The following SKAP2 variants were observed in gnomAD, a reference collection of about 807,000 sequenced individuals.
SKAP2 encodes src kinase-associated phosphoprotein 2.
SKAP2 carries 28 observed loss-of-function variants against 54.9 expected under a neutral mutation model. That is an observed-to-expected ratio of 0.51 (90% CI 0.38 to 0.70). The LOEUF (loss-of-function observed/expected upper bound fraction) is 0.70. SKAP2 is among the 30% of genes least tolerant of loss of function. The pLI is 0.00. For missense variants in SKAP2, 356 were observed against 424.1 expected, an observed-to-expected ratio of 0.84 and a Z score of 1.41; for synonymous variants, 137 against 134.3, an observed-to-expected ratio of 1.02 and a Z score of -0.14.
intron 9 of SKAP2, among the ~76,000 whole-genome samples, chr7:26,699,297 C>T (rs1039720379): frequency 1.7e-4 from 26 of 152,130 alleles, no homozygotes; most frequent in Admixed American, 1.3e-4. Flanking sequence ...GTTAACTGTA[C>T]TTAAACAATA....
chr7:26,702,063 A>G (rs770907771), intron 9 of SKAP2, among the ~76,000 whole-genome samples: 4 of 152,186 alleles, frequency 2.6e-5, no homozygotes, highest in Non-Finnish European at 5.9e-5. Flanking sequence ...CACAATTAAA[A>G]GTGGACACCG....
intron 9 of SKAP2, among the ~76,000 whole-genome samples, chr7:26,713,577 T>C (rs932547172): frequency 6.6e-6 from 1 of 151,932 alleles, no homozygotes; most frequent in African/African-American, 2.4e-5. Context: ...AATACAGTGC[T>C]AAGATGCTTA....
At chr7:26,680,734 C>T (rs891878770) in intron 11 of SKAP2, among the ~76,000 whole-genome samples, 3 of 152,082 alleles carry the variant, frequency 2.0e-5, no homozygotes, top group East Asian at 1.9e-4. Context: ...TTAAGGCAGG[C>T]GGTGTTTAGA....
chr7:26,742,002 A>G (rs918223968), intron 4 of SKAP2, among the ~76,000 whole-genome samples: 1 of 152,230 alleles, frequency 6.6e-6, no homozygotes, highest in African/African-American at 2.4e-5. Flanking sequence ...TTTGAAATGT[A>G]TATGAAATTT....
intron 6 of SKAP2, among the ~76,000 whole-genome samples, chr7:26,734,401 G>A (rs952201916): frequency 3.9e-5 from 6 of 151,956 alleles, no homozygotes; most frequent in African/African-American, 7.2e-5. Context: ...TTAGCCTTAC[G>A]TGCTCCCTCC....
chr7:26,735,890 A>T (rs1787920874), intron 6 of SKAP2, among the ~76,000 whole-genome samples: 2 of 152,176 alleles, frequency 1.3e-5, no homozygotes, highest in South Asian at 4.1e-4. Context: ...GAGTCCCTTA[A>T]AAGAGAGGAA....
chr7:26,794,792 C>G (rs904835694), intron 4 of SKAP2, among the ~76,000 whole-genome samples: 1 of 151,920 alleles, frequency 6.6e-6, no homozygotes, highest in Non-Finnish European at 1.5e-5. Context: ...ATATCTTGTA[C>G]AGCCCGCAGC....
At chr7:26,683,548 G>GGAAGGAAGGAAA (rs1786558537) in intron 11 of SKAP2, among the ~76,000 whole-genome samples, 1 of 147,032 alleles carries the variant, frequency 6.8e-6, no homozygotes, top group Non-Finnish European at 1.5e-5. Flanking sequence ...AAGGAAGGAA[G>GGAAGGAAGGAAA]GAAGGAAGGA....
Position 26,725,956 on chromosome 7 carries a change from C to T in SKAP2, c.625G>A (p.Glu209Lys), listed in dbSNP as rs761555788. ...ACAAATTTCAGCTGCTGTACCCATT[C>T]TTCAGCATCTTTGGGAGAAGCTGCT... ...FTAASPKDAE[E>K]WVQQLKFVLQ... The change falls in exon 8 of 13, where the codon GAA becomes AAA. Residue 209 changes from glutamate (E) to lysine (K), a missense_variant. Coordinates refer to ENST00000345317, the MANE Select transcript of SKAP2 (RefSeq NM_003930.5). The T allele has an allele frequency of 3.7e-6, 6 of 1,611,288 alleles. No homozygotes were observed. The highest frequency in any genetic ancestry group is 8.5e-7 in the Non-Finnish European group (1 of 1,178,546).
In SKAP2 at chr7:26,667,225, GCTCT is replaced by G. The variant is rs762796825; in HGVS notation, c.*2437_*2440del. On this transcript the variant is annotated 3_prime_UTR_variant, in exon 13 of 13. Coordinates refer to ENST00000345317, the MANE Select transcript of SKAP2 (RefSeq NM_003930.5). ...TTACAATCACCTTTGAAAAAAATTA[GCTCT>G]CTAACTGTTCACAGAAAAACAAATA... is the stretch of plus-strand genomic sequence containing the variant. 12 of 152,166 alleles carry G rather than the reference GCTCT, an allele frequency of 7.9e-5. No individual in the cohort carries two copies. The highest frequency in any genetic ancestry group is 3.9e-4 in the Admixed American group (6 of 15,276). The allele number at this position is 152,166 out of a possible 1,614,324, so 9.4% of individuals were successfully genotyped here. A position where few individuals can be genotyped will look rare whatever the true frequency, so the allele number is the denominator to read the frequency against.
At chr7:26,736,871 G>A (rs1168475991) in intron 6 of SKAP2, among the ~76,000 whole-genome samples, 1 of 151,742 alleles carries the variant, frequency 6.6e-6, no homozygotes, top group Non-Finnish European at 1.5e-5. Context: ...CTCCAGCTTG[G>A]GTGACAGAGT....
chr7:26,858,411 G>C (rs565903968), intron 1 of SKAP2, among the ~76,000 whole-genome samples: 128 of 152,244 alleles, frequency 8.4e-4, no homozygotes, highest in Admixed American at 3.4e-3. Flanking sequence ...AAGGATCTGG[G>C]GGAGAAGGCC....
chr7:26,657,740 C>T, the SKAP2 span, among the ~76,000 whole-genome samples: 3 of 140,778 alleles, frequency 2.1e-5, no homozygotes, highest in Non-Finnish European at 4.6e-5. Context: ...TCCCCGCCCC[C>T]CCCGCCCCAA....
chr7:26,786,493 C>T (rs1275789562), intron 4 of SKAP2, among the ~76,000 whole-genome samples: 1 of 151,962 alleles, frequency 6.6e-6, no homozygotes, highest in African/African-American at 2.4e-5. Context: ...GAAGAGGTGA[C>T]CAATGAGCTG....
At chr7:26,771,709 C>A (rs1041508196) in intron 4 of SKAP2, among the ~76,000 whole-genome samples, 7 of 152,030 alleles carry the variant, frequency 4.6e-5, no homozygotes, top group Non-Finnish European at 1.0e-4. Context: ...GACAAAAGTA[C>A]CACTGATTTA....
intron 10 of SKAP2, among the ~76,000 whole-genome samples, chr7:26,685,565 T>A (rs1786617830): frequency 6.6e-6 from 1 of 152,158 alleles, no homozygotes; most frequent in East Asian, 1.9e-4. Context: ...TAAATAAACA[T>A]GCAACATACA....
At chr7:26,827,573 A>G (rs1315870425) in intron 4 of SKAP2, among the ~76,000 whole-genome samples, 2 of 152,206 alleles carry the variant, frequency 1.3e-5, no homozygotes, top group African/African-American at 4.8e-5. Flanking sequence ...TTCAAAATAA[A>G]AAGTCCAGCA....
At chr7:26,751,545 G>C (rs976180281) in intron 4 of SKAP2, among the ~76,000 whole-genome samples, 2 of 152,040 alleles carry the variant, frequency 1.3e-5, no homozygotes, top group South Asian at 4.1e-4. Context: ...AAATCAAGAA[G>C]TCTTGGCATT....
At chr7:26,725,406 T>C (rs772136469) in intron 9 of SKAP2, 22 bp downstream of exon 9, 17 of 1,590,532 alleles carry the variant, frequency 1.1e-5, no homozygotes, top group Non-Finnish European at 1.4e-5. Flanking sequence ...AATCTTTAAA[T>C]GAATCACCAG....
Sources: allele counts gnomAD v4.1 joint callset (sites outside exome capture counted in the v4.1 genomes callset), GRCh38; gene constraint gnomAD v4.1.1; transcripts MANE v1.5; gene names NCBI Gene and HGNC (gene_info 2026-07-23, HGNC 2026-07-21).